The following ABCB4 variants were observed in gnomAD, a reference collection of about 807,000 sequenced individuals.
The protein encoded by ABCB4 is phosphatidylcholine translocator ABCB4.
ABCB4 carries 76 observed loss-of-function variants against 145.7 expected under a neutral mutation model. The ratio of observed to expected loss-of-function variants is 0.52; its 90% CI spans 0.43 to 0.63. The LOEUF (loss-of-function observed/expected upper bound fraction) is 0.63. ABCB4 is among the 30% of genes least tolerant of loss of function. The pLI is 0.00. For synonymous variants in ABCB4, 517 were observed against 566.8 expected (o/e 0.91, Z 1.25); for missense variants, 1,234 against 1,553.1 (o/e 0.79, Z 3.45).
chr7:87,408,098 C>T lies in ABCB4; in HGVS notation c.3218G>A (p.Cys1073Tyr). 6.2e-7 allele frequency: 1 copy of T among 1,614,256 alleles called. No individual in the cohort carries two copies. The change falls in exon 25 of 28, where the codon TGT becomes TAT. Residue 1073 changes from cysteine (C) to tyrosine (Y), a missense_variant. Around this residue, in one of 7 missense-constraint regions of ABCB4, gnomAD observed 301 missense variants for 389.0 expected, o/e 0.77. Coordinates refer to ENST00000649586, the MANE Select transcript of ABCB4 (RefSeq NM_000443.4). ...QTLALVGSSG[C>Y]GKSTVVQLLE... Reference sequence around the variant, plus strand: ...GAGCTGGACCACCGTGCTCTTCCCACAGCCACTGCTGCCCACCAGGGCTAG... The same window carrying T: ...GAGCTGGACCACCGTGCTCTTCCCATAGCCACTGCTGCCCACCAGGGCTAG...
intron 8 of ABCB4, among the ~76,000 whole-genome samples, chr7:87,449,142 T>C (rs45495292): frequency 0.013 from 1,994 of 152,250 alleles, 24 homozygotes; most frequent in Non-Finnish European, 0.021. Flanking sequence ...GCAACATGCC[T>C]CCAGATACTG....
chr7:87,397,350 CAA>C, downstream of ABCB4, among the ~76,000 whole-genome samples: 1 of 146,198 alleles, frequency 6.8e-6, no homozygotes, highest in African/African-American at 2.5e-5. Context: ...GACTCTTTCT[CAA>C]AAAAAAAAAA....
chr7:87,434,241 CA>C (rs1810455128), intron 14 of ABCB4, among the ~76,000 whole-genome samples: 1 of 151,788 alleles, frequency 6.6e-6, no homozygotes. Flanking sequence ...CACACCTGGC[CA>C]CCATTTTGTT....
rs1811857343 is a variant in ABCB4, at chr7:87,453,016, T to C, written c.464A>G (p.His155Arg). The stretch of plus-strand genomic sequence containing the variant: ...TCCTATTTCCTGTCGTAGAATAGCA[T>C]GAAAAAACTTCTGCCTAATTTTCCT... ...QIRKIRQKFFHAILRQEIGWF... is the reference protein window; with the variant it reads ...QIRKIRQKFFRAILRQEIGWF... Residue 155 changes from histidine (H) to arginine (R), a missense_variant, in exon 6 of 28, where the codon CAT becomes CGT. Transcript: ENST00000649586. 3 of 1,613,990 alleles carry C rather than the reference T, an allele frequency of 1.9e-6. No individual in the cohort carries two copies. Among genetic ancestry groups the C allele is most frequent in the South Asian group, 1.1e-5 (1 of 91,084 alleles).
intron 14 of ABCB4, among the ~76,000 whole-genome samples, chr7:87,432,809 G>T (rs567624572): frequency 6.6e-6 from 1 of 152,100 alleles, no homozygotes; most frequent in Non-Finnish European, 1.5e-5. Flanking sequence ...ACAACCTTGT[G>T]AATATTCTAA....
intron 7 of ABCB4, 151 bp downstream of exon 7, chr7:87,451,472 A>C: frequency 1.2e-6 from 1 of 819,650 alleles, no homozygotes; most frequent in South Asian, 1.7e-5. Context: ...TAATTTCCTT[A>C]TGAAAGCATC....
intron 23 of ABCB4, 68 bp from the exon 24 acceptor site, chr7:87,409,460 A>C (rs1327915030): frequency 1.3e-6 from 2 of 1,510,942 alleles, no homozygotes; most frequent in Admixed American, 1.7e-5. Flanking sequence ...GAAAGTCTAA[A>C]GGTATAGTGC....
At chr7:87,390,908 T>G in the ABCB4 span, among the ~76,000 whole-genome samples, 1 of 152,208 alleles carries the variant, frequency 6.6e-6, no homozygotes, top group East Asian at 1.9e-4. Context: ...GTCAGTAATT[T>G]TATATCACAA....
At chr7:87,422,788 A>G (rs1809539233) in intron 17 of ABCB4, among the ~76,000 whole-genome samples, 1 of 151,838 alleles carries the variant, frequency 6.6e-6, no homozygotes, top group South Asian at 2.1e-4. Flanking sequence ...TACCCTACCC[A>G]TCTTTTAAAA....
chr7:87,451,297 G>T (rs1417696837), intron 7 of ABCB4, among the ~76,000 whole-genome samples: 1 of 151,842 alleles, frequency 6.6e-6, no homozygotes, highest in African/African-American at 2.4e-5. Context: ...ACCACGCAAG[G>T]CTAGTTTTTC....
At chr7:87,366,591 G>A in the ABCB4 span, among the ~76,000 whole-genome samples, 5 of 152,098 alleles carry the variant, frequency 3.3e-5, no homozygotes, top group Non-Finnish European at 7.4e-5. Context: ...CAACTCAGCT[G>A]TTCCTTTGGC....
At chr7:87,473,287 C>T (rs1252196356) in intron 2 of ABCB4, among the ~76,000 whole-genome samples, 1 of 152,158 alleles carries the variant, frequency 6.6e-6, no homozygotes, top group African/African-American at 2.4e-5. Context: ...AAAATCCTTG[C>T]ATTAACCTCT....
At chr7:87,424,267 G>A (rs995631095) in intron 16 of ABCB4, among the ~76,000 whole-genome samples, 4 of 152,170 alleles carry the variant, frequency 2.6e-5, no homozygotes, top group African/African-American at 9.7e-5. Context: ...GTTCGGCCAA[G>A]AAATAACCTT....
At chr7:87,367,717 T>C in the ABCB4 span, among the ~76,000 whole-genome samples, 1 of 152,264 alleles carries the variant, frequency 6.6e-6, no homozygotes, top group East Asian at 1.9e-4. Flanking sequence ...TGCATTATCC[T>C]CTCTCTCTGC....
chr7:87,461,446 A>G (rs944317468), intron 4 of ABCB4, among the ~76,000 whole-genome samples: 1 of 152,224 alleles, frequency 6.6e-6, no homozygotes, highest in African/African-American at 2.4e-5. Flanking sequence ...CAGTGTAACT[A>G]TGGAAAAGTT....
At chr7:87,448,453 T>C (rs571890526) in intron 8 of ABCB4, among the ~76,000 whole-genome samples, 1 of 152,316 alleles carries the variant, frequency 6.6e-6, no homozygotes, top group Admixed American at 6.5e-5. Flanking sequence ...GGGGGCTGCA[T>C]TCATAGAGCA....
chr7:87,459,174 C>T (rs542469773), intron 4 of ABCB4, among the ~76,000 whole-genome samples: 22 of 152,132 alleles, frequency 1.4e-4, no homozygotes, highest in African/African-American at 5.3e-4. Context: ...TAAAGTTTAC[C>T]ATGTTAACTA....
At chr7:87,471,983 G>A (rs1813447169) in intron 3 of ABCB4, among the ~76,000 whole-genome samples, 1 of 152,168 alleles carries the variant, frequency 6.6e-6, no homozygotes, top group Admixed American at 6.5e-5. Context: ...GGGGGTCTGT[G>A]AAGCAAATGC....
At chr7:87,393,613 A>C in the ABCB4 span, among the ~76,000 whole-genome samples, 1 of 152,170 alleles carries the variant, frequency 6.6e-6, no homozygotes, top group Non-Finnish European at 1.5e-5. Context: ...TGAAAGTGAT[A>C]GCAAGGCTTG....
Sources: allele counts gnomAD v4.1 joint callset (sites outside exome capture counted in the v4.1 genomes callset), GRCh38; gene constraint gnomAD v4.1.1; regional missense constraint gnomAD v4.1.1; transcripts MANE v1.5; gene names NCBI Gene and HGNC (gene_info 2026-07-23, HGNC 2026-07-21).